The following AQR variants were observed in gnomAD, a reference collection of about 807,000 sequenced individuals.
AQR encodes aquarius intron-binding spliceosomal factor.
AQR carries 61 observed loss-of-function variants against 180.5 expected under a neutral mutation model. That is an observed-to-expected ratio of 0.34 (90% CI 0.28 to 0.42). AQR has a LOEUF of 0.42. Among genes scored for constraint, AQR ranks in the 10% least tolerant of loss-of-function variants. The probability of loss-of-function intolerance (pLI) is 1.00; values close to 1 mark genes in which losing one functional copy is unlikely to be tolerated. For missense variants in AQR, 1,281 were observed against 1,798.3 expected, an observed-to-expected ratio of 0.71 and a Z score of 5.20; for synonymous variants, 551 against 588.8, an observed-to-expected ratio of 0.94 and a Z score of 0.93.
At chr15:34,917,120 C>T (rs1893606613) in intron 15 of AQR, among the ~76,000 whole-genome samples, 1 of 151,990 alleles carries the variant, frequency 6.6e-6, no homozygotes, top group Non-Finnish European at 1.5e-5. Context: ...GGTGTGCATC[C>T]CTAGACATGA....
rs371821210 is a variant in AQR, at chr15:34,866,655, C to T, written c.3854+869G>A. Among the ~76,000 whole-genome samples the T allele has an allele frequency of 3.9e-4, 59 of 152,228 alleles. No homozygotes were observed. The South Asian group carries it at 0.012, about 30-fold the overall frequency. On this transcript the variant is annotated intron_variant, in intron 32 of 34. Transcript: ENST00000156471. ...ATGTTAATTATATAAACCATAGTGA[C>T]AGTCCATTCAGATGGCAGTTATAAA...
intron 3 of AQR, among the ~76,000 whole-genome samples, chr15:34,954,293 G>C (rs1025634484): frequency 6.6e-6 from 1 of 151,804 alleles, no homozygotes; most frequent in Admixed American, 6.6e-5. Context: ...ATGATAACTA[G>C]ACAAGTGAAA....
At chr15:34,944,150 G>A in intron 6 of AQR, 138 bp downstream of exon 6, 2 of 750,230 alleles carry the variant, frequency 2.7e-6, no homozygotes, top group Non-Finnish European at 2.0e-6. Context: ...ATAAGTGGCT[G>A]AAATCAAGCT....
chr15:34,863,176 A>AC, intron 32 of AQR, 135 bp from the exon 33 acceptor site: 1 of 770,274 alleles, frequency 1.3e-6, no homozygotes, highest in Non-Finnish European at 2.0e-6. Context: ...TAAAAACTTA[A>AC]TAGAAGTTAA....
At chr15:34,906,956 A>T (rs1255465971) in intron 17 of AQR, among the ~76,000 whole-genome samples, 6 of 151,844 alleles carry the variant, frequency 4.0e-5, no homozygotes, top group African/African-American at 7.3e-5. Context: ...TCATGCCATG[A>T]ATATATTACT....
At chr15:34,893,564 C>T in intron 23 of AQR, 99 bp downstream of exon 23, 1 of 974,434 alleles carries the variant, frequency 1.0e-6, no homozygotes, top group South Asian at 1.6e-5. Flanking sequence ...ACTTACCTCC[C>T]CCTCAACCCC....
intron 26 of AQR, among the ~76,000 whole-genome samples, chr15:34,883,664 C>A (rs1482619954): frequency 6.6e-6 from 1 of 152,158 alleles, no homozygotes; most frequent in African/African-American, 2.4e-5. Flanking sequence ...GACCTTTCTA[C>A]CTGAAAGTGT....
intron 2 of AQR, among the ~76,000 whole-genome samples, chr15:34,963,417 T>C (rs958411546): frequency 6.6e-6 from 1 of 152,192 alleles, no homozygotes; most frequent in African/African-American, 2.4e-5. Flanking sequence ...ATTACTGGAC[T>C]TAAGTTATTA....
chr15:34,883,215 C>A (rs1893002836), intron 26 of AQR, among the ~76,000 whole-genome samples: 1 of 152,062 alleles, frequency 6.6e-6, no homozygotes, highest in Non-Finnish European at 1.5e-5. Flanking sequence ...TGAAGAAATA[C>A]CTTGGCACTC....
chr15:34,872,588 TAGGA>T (rs1672959291), intron 30 of AQR, among the ~76,000 whole-genome samples: 1 of 152,160 alleles, frequency 6.6e-6, no homozygotes, highest in Non-Finnish European at 1.5e-5. Flanking sequence ...AGGTGGCTAT[TAGGA>T]AACATCACTG....
At chr15:34,946,238 C>T (rs1894111139) in intron 5 of AQR, among the ~76,000 whole-genome samples, 1 of 152,208 alleles carries the variant, frequency 6.6e-6, no homozygotes, top group Admixed American at 6.5e-5. Flanking sequence ...GCCATTTGCA[C>T]TCCAGCCTGG....
At chr15:34,960,630 C>A (rs1020578329) in intron 3 of AQR, 144 bp downstream of exon 3, 26 of 478,956 alleles carry the variant, frequency 5.4e-5, no homozygotes, top group Middle Eastern at 5.8e-4. Context: ...CTCTTCAGCA[C>A]CTAAAGTTTT....
At chr15:34,891,610 T>G (rs1009723750) in intron 23 of AQR, among the ~76,000 whole-genome samples, 1 of 152,246 alleles carries the variant, frequency 6.6e-6, no homozygotes, top group African/African-American at 2.4e-5. Context: ...AATCATAAAG[T>G]AGAGGATAAC....
chr15:34,890,843 T>C lies in AQR; in HGVS notation c.2572-519A>G, dbSNP rs563111890. Among the ~76,000 whole-genome samples, 14 of 152,330 alleles carry C rather than the reference T, an allele frequency of 9.2e-5. No individual in the cohort carries two copies. In the South Asian group the frequency reaches 2.9e-3, roughly 32 times the overall value. On this transcript the variant is annotated intron_variant, in intron 23 of 34. Transcript: ENST00000156471. ...AGCAGAGCACTCATTTATTGCAAAC[T>C]ATTCTGATGAAAGTCATTTAAAAGT...
At chr15:34,888,226 A>G (rs1462508652) in intron 24 of AQR, among the ~76,000 whole-genome samples, 1 of 151,768 alleles carries the variant, frequency 6.6e-6, no homozygotes, top group African/African-American at 2.4e-5. Flanking sequence ...TGAACCCAGG[A>G]GACAGAGTTT....
chr15:34,879,469 C>G (rs1055877930), intron 27 of AQR, among the ~76,000 whole-genome samples: 64 of 152,184 alleles, frequency 4.2e-4, no homozygotes, highest in African/African-American at 1.3e-3. Flanking sequence ...TTTCCAGACC[C>G]CTTTCCTTCC....
At chr15:34,921,326 C>G (rs928289317) in intron 13 of AQR, among the ~76,000 whole-genome samples, 12 of 150,612 alleles carry the variant, frequency 8.0e-5, no homozygotes, top group Admixed American at 4.7e-4. Flanking sequence ...CCCAGCTACT[C>G]AGGAGGCTGA....
intron 3 of AQR, 70 bp from the exon 4 acceptor site, chr15:34,952,990 T>A (rs1217618797): frequency 2.3e-6 from 2 of 884,262 alleles, no homozygotes; most frequent in Non-Finnish European, 3.4e-6. Flanking sequence ...TTAACACAAA[T>A]GCATTTAGGG....
At chr15:34,923,465 AT>A (rs144397458) in intron 13 of AQR, among the ~76,000 whole-genome samples, 5 of 151,052 alleles carry the variant, frequency 3.3e-5, no homozygotes, top group Non-Finnish European at 5.9e-5. Context: ...CCAATTCATC[AT>A]TTTTTTTTCC....
Sources: allele counts gnomAD v4.1 joint callset (sites outside exome capture counted in the v4.1 genomes callset), GRCh38; gene constraint gnomAD v4.1.1; transcripts MANE v1.5; gene names NCBI Gene and HGNC (gene_info 2026-07-23, HGNC 2026-07-21).